Variants in DRC1 observed in about 807,000 individuals in gnomAD.
The protein encoded by DRC1 is dynein regulatory complex protein 1.
Under a neutral mutation model 98.7 loss-of-function variants are expected in DRC1, and 74 were observed. The ratio of observed to expected loss-of-function variants is 0.75; its 90% CI spans 0.62 to 0.91. The LOEUF (loss-of-function observed/expected upper bound fraction) is 0.91. Among genes scored for constraint, DRC1 ranks in the 40% least tolerant of loss-of-function variants. The pLI, the probability that DRC1 is intolerant of heterozygous loss-of-function variation, is 0.00. For missense variants in DRC1, 875 were observed against 886.0 expected (o/e 0.99, Z 0.16); for synonymous variants, 336 against 334.1 (o/e 1.01, Z -0.06).
intron 2 of DRC1, 83 bp downstream of exon 2, chr2:26,414,514 A>G (rs1245040855): frequency 1.5e-6 from 2 of 1,304,704 alleles, no homozygotes; most frequent in East Asian, 4.8e-5. Flanking sequence ...ACTGGAAGAA[A>G]TCATGTGGTC....
At chr2:26,424,207 C>T (rs1663223994) in intron 3 of DRC1, 64 bp from the exon 4 acceptor site, 1 of 1,587,502 alleles carries the variant, frequency 6.3e-7, no homozygotes, top group Non-Finnish European at 8.6e-7. Context: ...AGAGAACGTA[C>T]CTGCTCTACT....
chr2:26,455,193 C>T lies in DRC1; in HGVS notation c.2126C>T (p.Thr709Ile), dbSNP rs767091604. The change falls in exon 16 of 17, where the codon ACA becomes ATA. Residue 709 changes from threonine (T) to isoleucine (I), a missense_variant. By Grantham distance (89) the Thr-to-Ile change is moderately conservative. Coordinates refer to ENST00000288710, the MANE Select transcript of DRC1 (RefSeq NM_145038.5). ...LENSSLEQQN[T>I]ELQALLQQYL... The stretch of plus-strand genomic sequence containing the variant: ...AACAGTTCTCTGGAGCAGCAGAACA[C>T]AGAGCTGCAGGCGCTACTGCAGCAG... 11 of 1,613,916 alleles carry T rather than the reference C, an allele frequency of 6.8e-6. No homozygotes were observed. In the African/African-American group the frequency reaches 1.1e-4, roughly 16 times the overall value.
intron 1 of DRC1, among the ~76,000 whole-genome samples, chr2:26,413,409 G>A (rs914364221): frequency 3.9e-5 from 6 of 152,138 alleles, no homozygotes; most frequent in African/African-American, 1.4e-4. Flanking sequence ...TTAAGCTTTT[G>A]ACAAATCTTG....
At chr2:26,427,172 A>G (rs1225690104) in intron 4 of DRC1, among the ~76,000 whole-genome samples, 1 of 152,136 alleles carries the variant, frequency 6.6e-6, no homozygotes, top group East Asian at 1.9e-4. Context: ...GCTGGAGTGC[A>G]GTAGACTGAT....
chr2:26,435,540 G>A (rs566318293), intron 7 of DRC1, among the ~76,000 whole-genome samples: 4 of 152,162 alleles, frequency 2.6e-5, no homozygotes, highest in East Asian at 1.9e-4. Context: ...CATAGTACTC[G>A]ATAGGTAGTT....
intron 10 of DRC1, chr2:26,448,339 A>G (rs1415425719): frequency 2.0e-6 from 1 of 500,098 alleles, no homozygotes; most frequent in South Asian, 1.5e-5. Flanking sequence ...CACTTGCTAG[A>G]TCATCTCTGA....
At chr2:26,409,550 T>G (rs1264543121) in intron 1 of DRC1, among the ~76,000 whole-genome samples, 1 of 152,202 alleles carries the variant, frequency 6.6e-6, no homozygotes, top group East Asian at 1.9e-4. Context: ...CAAGTTGTCA[T>G]GGAAGTTACC....
chr2:26,442,035 CCAAGAT>C (rs1663731044), intron 8 of DRC1, among the ~76,000 whole-genome samples: 1 of 152,168 alleles, frequency 6.6e-6, no homozygotes. Context: ...TCTGGGAAGG[CCAAGAT>C]CAAGGCTGGC....
At chr2:26,456,341 T>C (rs1273885603) in intron 16 of DRC1, 120 bp from the exon 17 acceptor site, 1 of 1,224,274 alleles carries the variant, frequency 8.2e-7, no homozygotes, top group Non-Finnish European at 1.2e-6. Context: ...TCTCTCAGCT[T>C]TGGAGAGGAG....
intron 1 of DRC1, among the ~76,000 whole-genome samples, chr2:26,404,532 C>A (rs1192568924): frequency 6.6e-6 from 1 of 152,156 alleles, no homozygotes; most frequent in East Asian, 1.9e-4. Context: ...TTTCTAGGAT[C>A]CAGTTTCTGC....
At chr2:26,415,923 CTCTT>C (rs753685642) in intron 2 of DRC1, among the ~76,000 whole-genome samples, 78 of 127,490 alleles carry the variant, frequency 6.1e-4, no homozygotes, top group Middle Eastern at 4.6e-3. Flanking sequence ...CAGAGGGAGA[CTCTT>C]TCTCTTTCAA....
At chr2:26,413,418 T>G (rs780723997) in intron 1 of DRC1, among the ~76,000 whole-genome samples, 17 of 152,224 alleles carry the variant, frequency 1.1e-4, no homozygotes, top group Non-Finnish European at 2.4e-4. Context: ...TGACAAATCT[T>G]GCCGAATTGC....
intron 5 of DRC1, among the ~76,000 whole-genome samples, chr2:26,430,326 G>C (rs1364397854): frequency 6.6e-6 from 1 of 152,084 alleles, no homozygotes; most frequent in African/African-American, 2.4e-5. Flanking sequence ...GAGCCAAGAA[G>C]GTGGAGGCCT....
At chr2:26,413,165 C>T (rs1334923103) in intron 1 of DRC1, among the ~76,000 whole-genome samples, 1 of 152,206 alleles carries the variant, frequency 6.6e-6, no homozygotes, top group Non-Finnish European at 1.5e-5. Context: ...CTGTGGACAT[C>T]TTTCCCTGCT....
chr2:26,413,929 T>C (rs1193226838), intron 1 of DRC1, among the ~76,000 whole-genome samples: 1 of 151,928 alleles, frequency 6.6e-6, no homozygotes, highest in Non-Finnish European at 1.5e-5. Context: ...TATTTAAGTT[T>C]TTTAAATGAT....
Position 26,424,395 on chromosome 2 carries a change from C to G in DRC1, c.481C>G (p.Gln161Glu). Residue 161 changes from glutamine to glutamate, a missense_variant, in exon 4 of 17, where the codon CAG becomes GAG. Physicochemically the swap from Gln to Glu is conservative, Grantham distance 29 (BLOSUM62 2). Coordinates refer to ENST00000288710, the MANE Select transcript of DRC1 (RefSeq NM_145038.5). Reference sequence around the variant, plus strand: ...GCTGTGGGAAATGCTCAATACCCAACAGCTGCACTGTGCTGGACTCTTAGA... The same window carrying G: ...GCTGTGGGAAATGCTCAATACCCAAGAGCTGCACTGTGCTGGACTCTTAGA... The part of the protein sequence containing the change: ...QELWEMLNTQ[Q>E]LHCAGLLEDK... The G allele has an allele frequency of 6.2e-7, 1 of 1,613,996 alleles. No individual in the cohort carries two copies. Among genetic ancestry groups the G allele is most frequent in the Non-Finnish European group, 8.5e-7 (1 of 1,180,026 alleles).
chr2:26,432,121 C>A (rs758094501), intron 7 of DRC1, 115 bp downstream of exon 7: 2 of 1,397,994 alleles, frequency 1.4e-6, no homozygotes, highest in East Asian at 5.1e-5. Flanking sequence ...CCCTTCAGCA[C>A]GTATTTATTA....
At chr2:26,431,077 C>G (rs1342943548) in intron 6 of DRC1, among the ~76,000 whole-genome samples, 1 of 150,326 alleles carries the variant, frequency 6.7e-6, no homozygotes, top group Non-Finnish European at 1.5e-5. Context: ...TCTCCTGCCT[C>G]AGCCTCCCGA....
intron 1 of DRC1, among the ~76,000 whole-genome samples, chr2:26,413,297 T>A (rs1678681126): frequency 6.6e-6 from 1 of 152,232 alleles, no homozygotes; most frequent in Non-Finnish European, 1.5e-5. Flanking sequence ...GTATTGTCAG[T>A]GCTACAATCA....
Sources: allele counts gnomAD v4.1 joint callset (sites outside exome capture counted in the v4.1 genomes callset), GRCh38; gene constraint gnomAD v4.1.1; transcripts MANE v1.5; gene names NCBI Gene and HGNC (gene_info 2026-07-23, HGNC 2026-07-21).